ICA1L: variants seen among roughly 807,000 people sequenced by gnomAD.
ICA1L encodes the protein islet cell autoantigen 1-like protein.
ICA1L carries 50 observed loss-of-function variants against 61.3 expected under a neutral mutation model. The ratio of observed to expected loss-of-function variants is 0.82; its 90% CI spans 0.65 to 1.03. The LOEUF is 1.03. ICA1L is among the 50% of genes least tolerant of loss of function. The probability of loss-of-function intolerance (pLI) is 0.00; values close to 1 mark genes in which losing one functional copy is unlikely to be tolerated. For synonymous variants in ICA1L, 161 were observed against 191.3 expected, an observed-to-expected ratio of 0.84 and a Z score of 1.31; for missense variants, 508 against 556.7, an observed-to-expected ratio of 0.91 and a Z score of 0.88.
At position 202,778,993 on chromosome 2, in the gene ICA1L, A is replaced by G. The variant is rs1692312116; in HGVS notation, c.*540T>C. ...TCTGTGATTTCATTAAAGCAAACTG[A>G]GTTCTCAAATCTTACTCTCTCTAAC... On this transcript the variant is annotated 3_prime_UTR_variant, in exon 13 of 13. Coordinates refer to ENST00000358299, the MANE Select transcript of ICA1L (RefSeq NM_001288622.3). 1 of 152,514 alleles carries G rather than the reference A, an allele frequency of 6.6e-6. No individual in the cohort carries two copies. The highest frequency in any genetic ancestry group is 1.5e-5 in the Non-Finnish European group (1 of 68,048). 9.4% of individuals were successfully genotyped at this position (152,514 alleles called of 1,614,324 possible). A position where few individuals can be genotyped will look rare whatever the true frequency, so the allele number is the denominator to read the frequency against.
intron 1 of ICA1L, chr2:202,829,282 G>A: frequency 5.0e-6 from 1 of 199,724 alleles, no homozygotes; most frequent in East Asian, 1.2e-4. Context: ...CCCGGGAGGC[G>A]GAGCTTGCGG....
intron 1 of ICA1L, among the ~76,000 whole-genome samples, chr2:202,853,481 T>C (rs187021257): frequency 1.1e-4 from 16 of 151,832 alleles, no homozygotes; most frequent in Middle Eastern, 3.4e-3. Context: ...GCAAAAGCAA[T>C]GGCAACAAAA....
chr2:202,835,863 G>T (rs1435764290), intron 1 of ICA1L, among the ~76,000 whole-genome samples: 1 of 151,982 alleles, frequency 6.6e-6, no homozygotes, highest in Non-Finnish European at 1.5e-5. Flanking sequence ...ACTGATTTTT[G>T]TGTTAATTTT....
At chr2:202,817,322 T>C in intron 6 of ICA1L, 96 bp downstream of exon 6, 2 of 1,128,724 alleles carry the variant, frequency 1.8e-6, no homozygotes, top group Non-Finnish European at 2.4e-6. Flanking sequence ...AGGAATCTAA[T>C]CATACATAAA....
chr2:202,790,097 T>A (rs542720914), intron 10 of ICA1L, among the ~76,000 whole-genome samples: 140 of 152,348 alleles, frequency 9.2e-4, no homozygotes, highest in African/African-American at 3.2e-3. Flanking sequence ...CTCAGAACAC[T>A]CATTCCATGT....
chr2:202,825,499 T>C (rs1693817521), intron 3 of ICA1L, 196 bp downstream of exon 3: 1 of 1,310,460 alleles, frequency 7.6e-7, no homozygotes, highest in African/African-American at 1.5e-5. Context: ...AAAAAATAAA[T>C]CTGGGTCAGA....
intron 10 of ICA1L, among the ~76,000 whole-genome samples, chr2:202,794,236 C>G (rs1326484465): frequency 6.6e-6 from 1 of 150,642 alleles, no homozygotes; most frequent in African/African-American, 2.4e-5. Context: ...ATCCCAGCTA[C>G]TTGGGAGGCT....
At chr2:202,835,349 G>A (rs1316427472) in intron 1 of ICA1L, among the ~76,000 whole-genome samples, 1 of 151,102 alleles carries the variant, frequency 6.6e-6, no homozygotes, top group Non-Finnish European at 1.5e-5. Context: ...GGGATTACAG[G>A]TGCATGCCAC....
intron 1 of ICA1L, chr2:202,860,223 G>A (rs538175010): frequency 4.0e-5 from 6 of 150,704 alleles, no homozygotes; most frequent in African/African-American, 1.5e-4. Context: ...AGTAAACTAC[G>A]ATCATGCCAC....
chr2:202,833,301 T>A lies in ICA1L; in HGVS notation c.-7-4285A>T, dbSNP rs139037281. Reference sequence around the variant, plus strand: ...ACTGTCCTTTTAAAAATGAAAGTAGTGGGAGCACAGTGGCTCAGGCCTGTA... The same window carrying A: ...ACTGTCCTTTTAAAAATGAAAGTAGAGGGAGCACAGTGGCTCAGGCCTGTA... On this transcript the variant is annotated intron_variant, in intron 1 of 12. Coordinates refer to ENST00000358299, the MANE Select transcript of ICA1L (RefSeq NM_001288622.3). 2.0e-3 allele frequency among the ~76,000 whole-genome samples: 307 copies of A among 152,240 alleles called. 4 individuals carry two copies. The Middle Eastern group carries it at 0.044, about 22-fold the overall frequency.
Position 202,785,393 on chromosome 2 carries a change from T to G in ICA1L, c.1333+525A>C, listed in dbSNP as rs147498509. On this transcript the variant is annotated intron_variant, in intron 12 of 12. Transcript: ENST00000358299. ...CTATAAAAGATTACAGTACAAAATG[T>G]AGTACACTTTGTCAAGCTCACAGTT... Among the ~76,000 whole-genome samples the G allele has an allele frequency of 8.7e-3, 1,319 of 152,218 alleles. 22 individuals carry two copies. Among genetic ancestry groups the G allele is most frequent in the African/African-American group, 0.031 (1,273 of 41,528 alleles).
At chr2:202,823,103 A>T (rs575994104) in intron 3 of ICA1L, among the ~76,000 whole-genome samples, 1 of 152,334 alleles carries the variant, frequency 6.6e-6, no homozygotes, top group Admixed American at 6.5e-5. Context: ...ATCAAGTATC[A>T]ACTGAACATA....
At chr2:202,805,717 T>C (rs1693205377) in intron 9 of ICA1L, among the ~76,000 whole-genome samples, 1 of 151,916 alleles carries the variant, frequency 6.6e-6, no homozygotes, top group African/African-American at 2.4e-5. Flanking sequence ...TAATAAACCA[T>C]TGGCAAGATT....
chr2:202,859,875 A>G (rs1201254323), intron 1 of ICA1L, among the ~76,000 whole-genome samples: 1 of 152,198 alleles, frequency 6.6e-6, no homozygotes, highest in Admixed American at 6.6e-5. Flanking sequence ...GGTCTTCATA[A>G]TATCCCCAGA....
At chr2:202,822,976 G>T (rs571557441) in intron 3 of ICA1L, among the ~76,000 whole-genome samples, 2 of 152,322 alleles carry the variant, frequency 1.3e-5, no homozygotes, top group Non-Finnish European at 2.9e-5. Context: ...GAGATGTACA[G>T]TTTACACATT....
At position 202,779,285 on chromosome 2, in the gene ICA1L, T is replaced by A. The variant is rs1465042972; in HGVS notation, c.*248A>T. ...TATCTAAATATCGCAAACTCTGTAG[T>A]TTCTAATATTTTCCACATAGAAGTT... On this transcript the variant is annotated 3_prime_UTR_variant, in exon 13 of 13. Transcript: ENST00000358299. The A allele has an allele frequency of 2.7e-6, 1 of 374,054 alleles. No individual in the cohort carries two copies. The highest frequency in any genetic ancestry group is 2.1e-5 in the African/African-American group (1 of 48,050). The allele number at this position is 374,054 out of a possible 1,614,324, so 23.2% of individuals were successfully genotyped here.
chr2:202,799,320 G>C (rs1693026950), intron 9 of ICA1L, among the ~76,000 whole-genome samples: 1 of 152,096 alleles, frequency 6.6e-6, no homozygotes, highest in Admixed American at 6.5e-5. Flanking sequence ...TTTCTGACTA[G>C]GGTAAGCTGA....
At chr2:202,820,608 T>G (rs918407742) in intron 4 of ICA1L, among the ~76,000 whole-genome samples, 7 of 152,192 alleles carry the variant, frequency 4.6e-5, no homozygotes, top group African/African-American at 1.7e-4. Flanking sequence ...GCAGAACTAA[T>G]GAGTATGGAG....
chr2:202,810,220 T>C (rs1329324149), intron 9 of ICA1L, among the ~76,000 whole-genome samples: 6 of 152,224 alleles, frequency 3.9e-5, no homozygotes, highest in African/African-American at 1.4e-4. Context: ...AAAAAACTTT[T>C]ACCCAAGAAT....
Sources: gnomAD v4.1 joint callset for allele counts (sites outside exome capture counted in the v4.1 genomes callset) on GRCh38, gnomAD v4.1.1 for gene constraint, MANE v1.5 for transcripts, NCBI Gene and HGNC (gene_info 2026-07-23, HGNC 2026-07-21) for gene names.